IGDCC4: variants seen among roughly 807,000 people sequenced by gnomAD.
IGDCC4 encodes likely ortholog of mouse neighbor of Punc E11.
In IGDCC4, 72 loss-of-function variants were observed where a neutral mutation model predicts 116.6. The observed-to-expected ratio is 0.62, with a 90% CI of 0.51 to 0.75. IGDCC4 has a LOEUF of 0.75. Ranked by LOEUF, IGDCC4 falls within the 30% of genes least tolerant of loss-of-function variation. IGDCC4 has a pLI of 0.00. For missense variants in IGDCC4, 1,501 were observed against 1,662.4 expected (o/e 0.90, Z 1.69); for synonymous variants, 709 against 719.9 (o/e 0.98, Z 0.24).
rs2091422509 is a variant in IGDCC4, at chr15:65,383,645, C to A, written c.*364G>T. 5.2e-6 allele frequency: 1 copy of A among 191,836 alleles called. No homozygotes were observed. Among genetic ancestry groups the A allele is most frequent in the Non-Finnish European group, 1.1e-5 (1 of 94,806 alleles). 11.9% of individuals were successfully genotyped at this position (191,836 alleles called of 1,614,324 possible). A position where few individuals can be genotyped will look rare whatever the true frequency, so the allele number is the denominator to read the frequency against. ...GCTGGGCGATGGAGGTGGGGGCCCA[C>A]AGGGCTGGGGACTGACCACTGTGGG... is the stretch of plus-strand genomic sequence containing the variant. On this transcript the variant is annotated 3_prime_UTR_variant, in exon 20 of 20. Transcript: ENST00000352385.
In IGDCC4 at chr15:65,410,532, C is replaced by G. The variant is rs1049705660; in HGVS notation, c.422-213G>C. ...AGAATGAATTCCAAAGCCCCCCTGC[C>G]CAACATCATCATGATGGTCAAACTA... On this transcript the variant is annotated intron_variant, in intron 2 of 19. Coordinates refer to ENST00000352385, the MANE Select transcript of IGDCC4 (RefSeq NM_020962.3). The G allele has an allele frequency of 5.0e-6, 3 of 595,998 alleles. No individual in the cohort carries two copies. The African/African-American group carries it at 5.6e-5, about 11-fold the overall frequency. The allele number at this position is 595,998 out of a possible 1,614,324, so 36.9% of individuals were successfully genotyped here. A position where few individuals can be genotyped will look rare whatever the true frequency, so the allele number is the denominator to read the frequency against.
At chr15:65,402,252 T>TA in intron 4 of IGDCC4, 99 bp downstream of exon 4, 1 of 1,359,530 alleles carries the variant, frequency 7.4e-7, no homozygotes, top group Non-Finnish European at 9.9e-7. Context: ...ATTTATCACC[T>TA]ACTTGAAGGC....
chr15:65,408,418 C>G (rs1161432638), intron 3 of IGDCC4, among the ~76,000 whole-genome samples: 1 of 152,236 alleles, frequency 6.6e-6, no homozygotes, highest in Non-Finnish European at 1.5e-5. Context: ...TTTAGAAAGG[C>G]ACAGAACTTC....
In IGDCC4 at chr15:65,382,151, G is replaced by C. The variant is rs146112158; in HGVS notation, c.*1858C>G. ...TGAGGCTTTTGACCTTCAGAGCAATGATGAAACATACACAGTGGTGTTAGC... is the reference window on the plus strand; with the variant it reads ...TGAGGCTTTTGACCTTCAGAGCAATCATGAAACATACACAGTGGTGTTAGC... On this transcript the variant is annotated 3_prime_UTR_variant, in exon 20 of 20. Coordinates refer to ENST00000352385, the MANE Select transcript of IGDCC4 (RefSeq NM_020962.3). 468 of 152,058 alleles carry C rather than the reference G, an allele frequency of 3.1e-3. 1 individual carries two copies. The highest frequency in any genetic ancestry group is 0.011 in the African/African-American group (460 of 41,340). The allele number at this position is 152,058 out of a possible 1,614,324, so 9.4% of individuals were successfully genotyped here. A position where few individuals can be genotyped will look rare whatever the true frequency, so the allele number is the denominator to read the frequency against.
intron 8 of IGDCC4, 64 bp from the exon 9 acceptor site, chr15:65,394,612 G>T: frequency 6.7e-7 from 1 of 1,489,672 alleles, no homozygotes; most frequent in Non-Finnish European, 9.0e-7. Flanking sequence ...GCTCGGGAGC[G>T]GTCAGAGACT....
At chr15:65,386,430 G>A in intron 17 of IGDCC4, 121 bp downstream of exon 17, 3 of 837,098 alleles carry the variant, frequency 3.6e-6, no homozygotes, top group South Asian at 1.5e-5. Flanking sequence ...CCAGAGTCCT[G>A]ACTTTAACGG....
chr15:65,402,781 C>T (rs1042748322), intron 3 of IGDCC4, among the ~76,000 whole-genome samples: 4 of 152,138 alleles, frequency 2.6e-5, no homozygotes, highest in East Asian at 1.9e-4. Context: ...GCAGGAGAAT[C>T]GCTTGAACCC....
chr15:65,411,925 G>A (rs2063098062), intron 1 of IGDCC4, among the ~76,000 whole-genome samples: 1 of 152,194 alleles, frequency 6.6e-6, no homozygotes, highest in South Asian at 2.1e-4. Context: ...GTTGCACAAC[G>A]TTGTGAATAT....
intron 3 of IGDCC4, among the ~76,000 whole-genome samples, chr15:65,403,607 G>A (rs1190468413): frequency 6.6e-6 from 1 of 152,112 alleles, no homozygotes; most frequent in Non-Finnish European, 1.5e-5. Context: ...GATCTCACAG[G>A]TGGAGCAGAG....
At chr15:65,395,059 C>T (rs1595781427) in intron 8 of IGDCC4, 35 bp downstream of exon 8, 2 of 1,575,930 alleles carry the variant, frequency 1.3e-6, no homozygotes, top group African/African-American at 1.3e-5. Flanking sequence ...ATTCTCTTTA[C>T]CCCAAGCTGC....
In IGDCC4 at chr15:65,388,577, A is replaced by C; in HGVS notation, c.2717T>G (p.Phe906Cys). The change falls in exon 16 of 20, where the codon TTC becomes TGC. Residue 906 changes from phenylalanine (F) to cysteine (C), a missense_variant. Transcript: ENST00000352385. ...WTLLTTQGNI[F>C]SAEVHGLESD... ...CTCCAGGCCATGGACCTCAGCACTG[A>C]AGATGTTTCCTGGGGGTGAGGGAGG... 1.2e-6 allele frequency: 2 copies of C among 1,614,076 alleles called. No individual in the cohort carries two copies. Among genetic ancestry groups the C allele is most frequent in the Non-Finnish European group, 1.7e-6 (2 of 1,180,018 alleles).
chr15:65,417,872 A>G (rs2063158712), intron 1 of IGDCC4, among the ~76,000 whole-genome samples: 1 of 152,210 alleles, frequency 6.6e-6, no homozygotes, highest in Non-Finnish European at 1.5e-5. Context: ...CTGGGATTAC[A>G]GGAGTGAGCC....
chr15:65,383,810 C>T lies in IGDCC4; in HGVS notation c.*199G>A, dbSNP rs2140184370. The T allele has an allele frequency of 2.0e-6, 1 of 499,082 alleles. No individual in the cohort carries two copies. The highest frequency in any genetic ancestry group is 3.1e-5 in the East Asian group (1 of 32,336). 30.9% of individuals were successfully genotyped at this position (499,082 alleles called of 1,614,324 possible). On this transcript the variant is annotated 3_prime_UTR_variant, in exon 20 of 20. Transcript: ENST00000352385. ...GTAGCTATGTCTCGTATGTCTTTCA[C>T]ATGTCACATGTGTATCACAAAGAGT...
chr15:65,393,859 A>G lies in IGDCC4; in HGVS notation c.1715-328T>C, dbSNP rs184488011. ...GGGATGCAGACACAAGAGGCTGACC[A>G]TGAAGGCCAGCAAGAACGCCTGGCT... On this transcript the variant is annotated intron_variant, in intron 9 of 19. Transcript: ENST00000352385. The surrounding 1 kb of genome is among the most constrained non-coding windows in gnomAD (Gnocchi z 4.6). 1.3e-5 allele frequency among the ~76,000 whole-genome samples: 2 copies of G among 152,308 alleles called. No homozygotes were observed. The highest frequency in any genetic ancestry group is 4.8e-5 in the African/African-American group (2 of 41,562).
Position 65,411,000 on chromosome 15 carries a change from C to G in IGDCC4, c.421+20G>C. On this transcript the variant is annotated intron_variant, in intron 2 of 19. Coordinates refer to ENST00000352385, the MANE Select transcript of IGDCC4 (RefSeq NM_020962.3). The stretch of plus-strand genomic sequence containing the variant: ...AGTCTGGGTTTCAGCCTCAGACCCC[C>G]GCCCGATGCAAGCACTTACTGGCAA... The G allele has an allele frequency of 6.3e-7, 1 of 1,581,224 alleles. No homozygotes were observed. Among genetic ancestry groups the G allele is most frequent in the South Asian group, 1.2e-5 (1 of 85,808 alleles).
chr15:65,401,959 C>G (rs2062991022), intron 4 of IGDCC4, among the ~76,000 whole-genome samples: 1 of 152,082 alleles, frequency 6.6e-6, no homozygotes, highest in Non-Finnish European at 1.5e-5. Context: ...GGGACGAACC[C>G]CCAGTGCCTG....
intron 18 of IGDCC4, chr15:65,385,558 G>C (rs1216959186): frequency 5.5e-5 from 32 of 581,294 alleles, no homozygotes; most frequent in Non-Finnish European, 9.5e-5. Context: ...CAGCTCCAGG[G>C]ATGAGGAGGG....
At chr15:65,405,058 A>G (rs2063027003) in intron 3 of IGDCC4, among the ~76,000 whole-genome samples, 1 of 149,320 alleles carries the variant, frequency 6.7e-6, no homozygotes, top group Non-Finnish European at 1.5e-5. Flanking sequence ...ACTCAAAAAA[A>G]TCTTTTGCTT....
chr15:65,422,800 G>C lies in IGDCC4; in HGVS notation c.63C>G (p.Ala21=), dbSNP rs763496468. ...CCGGGCGCCCGCCCTTACCGCGCGC[G>C]GCCAACAGGCAGAAGGTCAACGCGA... ...GLLALTFCLL[A]ARGELLLPQE... is the part of the protein sequence containing the mutation. Residue 21 remains alanine (A), a synonymous_variant, in exon 1 of 20, where the codon GCC becomes GCG. Transcript: ENST00000352385. 2 of 1,318,868 alleles carry C rather than the reference G, an allele frequency of 1.5e-6. No individual in the cohort carries two copies. The highest frequency in any genetic ancestry group is 1.9e-5 in the South Asian group (1 of 52,338). 81.7% of individuals were successfully genotyped at this position (1,318,868 alleles called of 1,614,324 possible).
Sources: allele counts gnomAD v4.1 joint callset (sites outside exome capture counted in the v4.1 genomes callset), GRCh38; gene constraint gnomAD v4.1.1; non-coding constraint Gnocchi (gnomAD v3.1); transcripts MANE v1.5; gene names NCBI Gene and HGNC (gene_info 2026-07-23, HGNC 2026-07-21).